INPP4B: variants seen among roughly 807,000 people sequenced by gnomAD.
INPP4B encodes inositol polyphosphate 4-phosphatase type II.
INPP4B carries 55 observed loss-of-function variants against 122.5 expected under a neutral mutation model. The ratio of observed to expected loss-of-function variants is 0.45; its 90% CI spans 0.36 to 0.56. The LOEUF (loss-of-function observed/expected upper bound fraction) is 0.56. INPP4B is among the 20% of genes least tolerant of loss of function. The pLI is 0.00. For missense variants in INPP4B, 1,000 were observed against 1,097.7 expected, an observed-to-expected ratio of 0.91 and a Z score of 1.26; for synonymous variants, 403 against 388.7, an observed-to-expected ratio of 1.04 and a Z score of -0.43.
At chr4:142,450,637 G>A (rs1813942309) in intron 3 of INPP4B, among the ~76,000 whole-genome samples, 1 of 152,132 alleles carries the variant, frequency 6.6e-6, no homozygotes, top group African/African-American at 2.4e-5. Context: ...TATGTGCCAT[G>A]CTCTATGTTA....
At chr4:142,098,581 T>A (rs1295303202) in intron 23 of INPP4B, among the ~76,000 whole-genome samples, 2 of 152,044 alleles carry the variant, frequency 1.3e-5, no homozygotes, top group Non-Finnish European at 2.9e-5. Context: ...TGGTGAGAAC[T>A]GGTGGCATAT....
In INPP4B at chr4:142,289,750, C is replaced by G. The variant is rs138771172; in HGVS notation, c.503+15708G>C. Among the ~76,000 whole-genome samples, 440 of 152,240 alleles carry G rather than the reference C, an allele frequency of 2.9e-3. 1 individual carries two copies. The highest frequency in any genetic ancestry group is 0.01 in the African/African-American group (431 of 41,540). Reference sequence around the variant, plus strand: ...GGCTGTATAGTACTCCATGGTGACCCAATCTTTCTCTTAAAACCTGTCTTA... The same window carrying G: ...GGCTGTATAGTACTCCATGGTGACCGAATCTTTCTCTTAAAACCTGTCTTA... On this transcript the variant is annotated intron_variant, in intron 9 of 25. Coordinates refer to ENST00000262992, the MANE Select transcript of INPP4B (RefSeq NM_001101669.3).
Position 142,696,884 on chromosome 4 carries a change from A to G in INPP4B, c.-191+28955T>C, listed in dbSNP as rs1761104725. Among the ~76,000 whole-genome samples the G allele has an allele frequency of 2.0e-5, 3 of 152,184 alleles. No homozygotes were observed. The South Asian group carries it at 6.2e-4, about 31-fold the overall frequency. On this transcript the variant is annotated intron_variant, in intron 2 of 25. Coordinates refer to ENST00000262992, the MANE Select transcript of INPP4B (RefSeq NM_001101669.3). The stretch of plus-strand genomic sequence containing the variant: ...CCCTTTGCATGTTTTACTTGTTTTT[A>G]TAACAGTGCTTTCCTCTAGCAAGGA...
At chr4:142,831,792 G>A (rs1180364552) in intron 1 of INPP4B, among the ~76,000 whole-genome samples, 1 of 152,180 alleles carries the variant, frequency 6.6e-6, no homozygotes, top group Non-Finnish European at 1.5e-5. Context: ...TTAAGAGATA[G>A]AAGATGCTTC....
intron 25 of INPP4B, among the ~76,000 whole-genome samples, chr4:142,060,557 A>G (rs1274640050): frequency 6.6e-6 from 1 of 152,236 alleles, no homozygotes; most frequent in Admixed American, 6.5e-5. Flanking sequence ...ACTAGGACTC[A>G]GAGTAAGAGG....
intron 2 of INPP4B, among the ~76,000 whole-genome samples, chr4:142,686,693 G>C (rs1759395626): frequency 6.6e-6 from 1 of 152,032 alleles, no homozygotes; most frequent in Non-Finnish European, 1.5e-5. Context: ...GCATTTCATA[G>C]ATCAGATAGC....
intron 2 of INPP4B, among the ~76,000 whole-genome samples, chr4:142,553,445 C>T (rs1728440249): frequency 6.6e-6 from 1 of 152,192 alleles, no homozygotes; most frequent in Admixed American, 6.5e-5. Flanking sequence ...GCTTTCTATG[C>T]CCTTTCATAT....
chr4:142,147,626 T>C (rs963729192), intron 17 of INPP4B, among the ~76,000 whole-genome samples: 1 of 152,132 alleles, frequency 6.6e-6, no homozygotes, highest in Non-Finnish European at 1.5e-5. Flanking sequence ...CTTGTTGAAA[T>C]TATTACTATT....
chr4:142,819,009 C>G (rs1031741757), intron 1 of INPP4B, among the ~76,000 whole-genome samples: 11 of 152,128 alleles, frequency 7.2e-5, no homozygotes, highest in African/African-American at 2.4e-4. Flanking sequence ...CTCCCATAGG[C>G]TCAAGACGAA....
At chr4:142,443,023 G>A (rs1452703630) in intron 3 of INPP4B, among the ~76,000 whole-genome samples, 2 of 152,084 alleles carry the variant, frequency 1.3e-5, no homozygotes, top group Non-Finnish European at 2.9e-5. Flanking sequence ...GGGGGAAACT[G>A]ACCCCATGAT....
At chr4:142,503,614 A>G (rs550361910) in intron 2 of INPP4B, among the ~76,000 whole-genome samples, 4 of 152,240 alleles carry the variant, frequency 2.6e-5, no homozygotes, top group Non-Finnish European at 4.4e-5. Context: ...TGGAATTGCA[A>G]TTAGAGTTCC....
chr4:142,373,202 C>A (rs1790547893), intron 7 of INPP4B, among the ~76,000 whole-genome samples: 1 of 151,952 alleles, frequency 6.6e-6, no homozygotes, highest in African/African-American at 2.4e-5. Flanking sequence ...ATTTTTGCAT[C>A]TTTATTGAAT....
intron 2 of INPP4B, among the ~76,000 whole-genome samples, chr4:142,485,558 T>C (rs777366780): frequency 6.6e-6 from 1 of 152,154 alleles, no homozygotes; most frequent in Non-Finnish European, 1.5e-5. Context: ...GCAAATATTA[T>C]GACTTCTACT....
chr4:142,342,735 A>G (rs558658916), intron 7 of INPP4B, among the ~76,000 whole-genome samples: 56 of 152,194 alleles, frequency 3.7e-4, no homozygotes, highest in African/African-American at 1.3e-3. Context: ...GTATAAAGAA[A>G]TTTTCCCAAA....
At chr4:142,113,415 T>G (rs1421270235) in intron 21 of INPP4B, among the ~76,000 whole-genome samples, 2 of 152,022 alleles carry the variant, frequency 1.3e-5, no homozygotes, top group Non-Finnish European at 2.9e-5. Flanking sequence ...GGAAAATCCA[T>G]GTGTTTCAAG....
intron 2 of INPP4B, among the ~76,000 whole-genome samples, chr4:142,593,256 A>C (rs1737926905): frequency 1.3e-5 from 2 of 152,068 alleles, no homozygotes; most frequent in South Asian, 4.2e-4. Flanking sequence ...ACAGATGATG[A>C]GGTAAAATAG....
intron 7 of INPP4B, among the ~76,000 whole-genome samples, chr4:142,375,933 C>T (rs754091994): frequency 5.9e-5 from 9 of 151,974 alleles, no homozygotes; most frequent in South Asian, 2.1e-4. Context: ...ATTAGACAGA[C>T]GTCTCTAGAC....
rs1395110156 is a variant in INPP4B at position 142,479,811 on chromosome 4, T to C, written c.-190-17085A>G. Among the ~76,000 whole-genome samples the C allele has an allele frequency of 3.3e-5, 5 of 152,158 alleles. No homozygotes were observed. The South Asian group carries it at 1.0e-3, about 32-fold the overall frequency. ...ATAGATACTGGGGCCTATTTGAGAATGGAGGGTGGGAGGAGGGAGAGGATT... is the reference window on the plus strand; with the variant it reads ...ATAGATACTGGGGCCTATTTGAGAACGGAGGGTGGGAGGAGGGAGAGGATT... On this transcript the variant is annotated intron_variant, in intron 2 of 25. Transcript: ENST00000262992.
chr4:142,533,195 A>G (rs1382547087), intron 2 of INPP4B, among the ~76,000 whole-genome samples: 1 of 152,204 alleles, frequency 6.6e-6, no homozygotes, highest in Non-Finnish European at 1.5e-5. Context: ...CACAATGTGA[A>G]AGAGCTCAAT....
Sources: allele counts gnomAD v4.1 joint callset (sites outside exome capture counted in the v4.1 genomes callset), GRCh38; gene constraint gnomAD v4.1.1; transcripts MANE v1.5; gene names NCBI Gene and HGNC (gene_info 2026-07-23, HGNC 2026-07-21).